Variants in CYP4F3 observed in about 807,000 individuals in gnomAD.
CYP4F3 encodes cytochrome P450 family 4 subfamily F member 3.
A neutral mutation model predicts 54.8 loss-of-function variants in CYP4F3; 50 were observed. The ratio of observed to expected loss-of-function variants is 0.91; its 90% CI spans 0.73 to 1.16. CYP4F3 has a LOEUF of 1.16. CYP4F3 is among the 50% of genes most tolerant of loss of function. CYP4F3 has a pLI of 0.00. For missense variants in CYP4F3, 715 were observed against 676.2 expected (o/e 1.06, Z -0.64); for synonymous variants, 244 against 262.6 (o/e 0.93, Z 0.69).
intron 12 of CYP4F3, 47 bp downstream of exon 12, chr19:15,658,856 G>T: frequency 6.2e-7 from 1 of 1,603,784 alleles, no homozygotes; most frequent in Non-Finnish European, 8.5e-7. Flanking sequence ...ATAGGTGCAG[G>T]GGTCTGGGCA....
chr19:15,644,802 G>T (rs1972576369), intron 2 of CYP4F3, among the ~76,000 whole-genome samples: 2 of 152,316 alleles, frequency 1.3e-5, no homozygotes, highest in South Asian at 4.1e-4. Context: ...GACAGGCCAG[G>T]CTGAGCAGGG....
In CYP4F3 at chr19:15,650,870, T is replaced by TCTCTCTC. The variant is rs1445217141; in HGVS notation, c.918+687_918+688insCTCTCTC. ...TCTTTCTTTCTTTCTTTCTTTCTTT[T>TCTCTCTC]TCTCTCTCTCTCTTTCCTTTTTTTG... On this transcript the variant is annotated intron_variant, in intron 7 of 12. Coordinates refer to ENST00000221307, the MANE Select transcript of CYP4F3 (RefSeq NM_000896.3). Among the ~76,000 whole-genome samples, 3 of 39,478 alleles carry TCTCTCTC rather than the reference T, an allele frequency of 7.6e-5. 1 individual carries two copies. Among genetic ancestry groups the TCTCTCTC allele is most frequent in the Non-Finnish European group, 1.2e-4 (3 of 24,206 alleles). 25.9% of individuals were successfully genotyped at this position (39,478 alleles called of 152,430 possible). A position where few individuals can be genotyped will look rare whatever the true frequency, so the allele number is the denominator to read the frequency against.
At chr19:15,651,475 C>G (rs1972854044) in intron 7 of CYP4F3, among the ~76,000 whole-genome samples, 2 of 138,282 alleles carry the variant, frequency 1.4e-5, no homozygotes, top group Admixed American at 7.2e-5. Context: ...TCAAATGATT[C>G]TCCTGCCTCA....
At position 15,645,654 on chromosome 19, in the gene CYP4F3, C is replaced by T. The variant is rs1034474464; in HGVS notation, c.199-65C>T. 4.0e-6 allele frequency: 6 copies of T among 1,514,746 alleles called. No individual in the cohort carries two copies. In the African/African-American group the frequency reaches 4.1e-5, roughly 10 times the overall value. The allele number at this position is 1,514,746 out of a possible 1,614,324, so 93.8% of individuals were successfully genotyped here. A position where few individuals can be genotyped will look rare whatever the true frequency, so the allele number is the denominator to read the frequency against. ...TCAGGGAGAGGGCTTCCACCTCTTCCCTGCAGATCCTTCTCTCTCGCAGCC... is the reference window on the plus strand; with the variant it reads ...TCAGGGAGAGGGCTTCCACCTCTTCTCTGCAGATCCTTCTCTCTCGCAGCC... On this transcript the variant is annotated intron_variant, in intron 2 of 12. Coordinates refer to ENST00000221307, the MANE Select transcript of CYP4F3 (RefSeq NM_000896.3).
At chr19:15,643,975 G>A in intron 2 of CYP4F3, 1 of 1,607,182 alleles carries the variant, frequency 6.2e-7, no homozygotes, top group Non-Finnish European at 8.5e-7. Flanking sequence ...AGGGCTTTAA[G>A]GTCTGGATGG....
At chr19:15,642,625 G>A (rs1442516615) in intron 2 of CYP4F3, among the ~76,000 whole-genome samples, 1 of 152,226 alleles carries the variant, frequency 6.6e-6, no homozygotes, top group Non-Finnish European at 1.5e-5. Flanking sequence ...TTCCTCTCAA[G>A]CTAAGTGGGC....
chr19:15,645,689 A>G (rs1199666104), intron 2 of CYP4F3, 30 bp from the exon 3 acceptor site: 3 of 1,581,490 alleles, frequency 1.9e-6, no homozygotes, highest in Non-Finnish European at 2.6e-6. Flanking sequence ...CTAGGAGAGC[A>G]TGAATTGGGT....
intron 2 of CYP4F3, 121 bp downstream of exon 2, chr19:15,641,734 G>A: frequency 8.7e-7 from 1 of 1,142,926 alleles, no homozygotes; most frequent in South Asian, 1.4e-5. Context: ...AGCAGGGGAG[G>A]CGTCTTACTC....
Position 15,659,348 on chromosome 19 carries a change from A to G in CYP4F3, c.1526A>G (p.Glu509Gly), listed in dbSNP as rs1390435115. The G allele has an allele frequency of 3.1e-6, 5 of 1,613,124 alleles. No individual in the cohort carries two copies. In the African/African-American group the frequency reaches 6.7e-5, roughly 22 times the overall value. Reference sequence around the variant, plus strand: ...AAGCCGGAGCTGGTCCTGCGCGCAGAGGGCGGACTTTGGCTGCGGGTGGAG... The same window carrying G: ...AAGCCGGAGCTGGTCCTGCGCGCAGGGGGCGGACTTTGGCTGCGGGTGGAG... The part of the protein sequence containing the change: ...RRKPELVLRA[E>G]GGLWLRVEPL... Residue 509 changes from glutamate (E) to glycine (G), a missense_variant, in exon 13 of 13, where the codon GAG (glutamate) becomes GGG (glycine). By Grantham distance (98) the Glu-to-Gly change is moderately conservative. Coordinates refer to ENST00000221307, the MANE Select transcript of CYP4F3 (RefSeq NM_000896.3).
Position 15,644,179 on chromosome 19 carries a change from C to A in CYP4F3, c.199-1540C>A, listed in dbSNP as rs533812441. 2.6e-3 allele frequency: 3,089 copies of A among 1,195,016 alleles called. 12 individuals are homozygous for A. Among genetic ancestry groups the A allele is most frequent in the Middle Eastern group, 4.0e-3 (20 of 4,966 alleles). 74.0% of individuals were successfully genotyped at this position (1,195,016 alleles called of 1,614,324 possible). On this transcript the variant is annotated intron_variant, in intron 2 of 12. Coordinates refer to ENST00000221307, the MANE Select transcript of CYP4F3 (RefSeq NM_000896.3). ...CCTTTCCTTCTCTCTCAGCCATCTT[C>A]ATCTTTCTTTCATGTATTCACTAAT...
chr19:15,648,630 C>T (rs549217253), intron 5 of CYP4F3, among the ~76,000 whole-genome samples: 85 of 152,142 alleles, frequency 5.6e-4, no homozygotes, highest in African/African-American at 1.9e-3. Flanking sequence ...TCACAATATG[C>T]CAGAAAAAAT....
rs188592921 is a variant in CYP4F3, at chr19:15,656,247, T to A, written c.1116-2017T>A. On this transcript the variant is annotated intron_variant, in intron 9 of 12. Coordinates refer to ENST00000221307, the MANE Select transcript of CYP4F3 (RefSeq NM_000896.3). Reference sequence around the variant, plus strand: ...TTCCATGTTGTGGCAAATGAGATAATTTTTTCTTTTTTAAAGGCTAAATGG... The same window carrying A: ...TTCCATGTTGTGGCAAATGAGATAAATTTTTCTTTTTTAAAGGCTAAATGG... Among the ~76,000 whole-genome samples, 322 of 151,526 alleles carry A rather than the reference T, an allele frequency of 2.1e-3. 2 individuals are homozygous for A. The highest frequency in any genetic ancestry group is 0.018 in the Admixed American group (271 of 15,176).
Position 15,659,686 on chromosome 19 carries a change from A to C in CYP4F3, c.*301A>C, listed in dbSNP as rs576271374. On this transcript the variant is annotated 3_prime_UTR_variant, in exon 13 of 13. Transcript: ENST00000221307. ...ACACAGCCATAAAAAGGAATGAAGCAGTGATCCCCACTACACTGTGGATGA... is the reference window on the plus strand; with the variant it reads ...ACACAGCCATAAAAAGGAATGAAGCCGTGATCCCCACTACACTGTGGATGA... 2.4e-4 allele frequency: 101 copies of C among 426,384 alleles called. 1 individual carries two copies. Among genetic ancestry groups the C allele is most frequent in the African/African-American group, 1.9e-3 (96 of 49,290 alleles). 26.4% of individuals were successfully genotyped at this position (426,384 alleles called of 1,614,324 possible).
intron 7 of CYP4F3, 26 bp from the exon 8 acceptor site, chr19:15,652,543 G>T: frequency 6.2e-7 from 1 of 1,610,522 alleles, no homozygotes; most frequent in Non-Finnish European, 8.5e-7. Flanking sequence ...GGGGGTGGGG[G>T]TGGGGGGTTA....
At position 15,658,816 on chromosome 19, in the gene CYP4F3, G is replaced by C. The variant is rs761847709; in HGVS notation, c.1397+7G>C. The C allele has an allele frequency of 6.2e-7, 1 of 1,613,796 alleles. No homozygotes were observed. Among genetic ancestry groups the C allele is most frequent in the Non-Finnish European group, 8.5e-7 (1 of 1,179,900 alleles). On this transcript the variant is annotated splice_region_variant and intron_variant, in intron 12 of 12. Coordinates refer to ENST00000221307, the MANE Select transcript of CYP4F3 (RefSeq NM_000896.3). ...CCTTCTCAGCAGGGCCCAGGTAAGAGCGGCCTGTGTTTGAGGCGGGGACGG... is the reference window on the plus strand; with the variant it reads ...CCTTCTCAGCAGGGCCCAGGTAAGACCGGCCTGTGTTTGAGGCGGGGACGG...
chr19:15,650,294 A>T, intron 7 of CYP4F3, 111 bp downstream of exon 7: 3 of 1,601,216 alleles, frequency 1.9e-6, no homozygotes, highest in Non-Finnish European at 1.7e-6. Flanking sequence ...ATGGAAGGTG[A>T]TTGAGGAAGG....
intron 5 of CYP4F3, among the ~76,000 whole-genome samples, chr19:15,647,999 T>C (rs1206064462): frequency 6.6e-6 from 1 of 152,178 alleles, no homozygotes; most frequent in Non-Finnish European, 1.5e-5. Flanking sequence ...AAGCCAATAG[T>C]CCAACACGGA....
intron 12 of CYP4F3, 88 bp downstream of exon 12, chr19:15,658,897 C>T (rs28371498): frequency 2.1e-4 from 314 of 1,503,732 alleles, no homozygotes; most frequent in Non-Finnish European, 2.5e-4. Context: ...ACATTGTAGA[C>T]GGTCCGAGTT....
chr19:15,648,122 G>A (rs904024514), intron 5 of CYP4F3, among the ~76,000 whole-genome samples: 2 of 152,074 alleles, frequency 1.3e-5, no homozygotes, highest in African/African-American at 2.4e-5. Flanking sequence ...AAGGTTTTGT[G>A]AAGTGTTTAG....
Sources: gnomAD v4.1 joint callset for allele counts (sites outside exome capture counted in the v4.1 genomes callset) on GRCh38, gnomAD v4.1.1 for gene constraint, MANE v1.5 for transcripts, NCBI Gene and HGNC (gene_info 2026-07-23, HGNC 2026-07-21) for gene names.